Variants in FXYD6 observed in about 807,000 individuals in gnomAD.
FXYD6 encodes FXYD domain-containing ion transport regulator 6.
In FXYD6, 7 loss-of-function variants were observed where a neutral mutation model predicts 16.7. The ratio of observed to expected loss-of-function variants is 0.42; its 90% CI spans 0.24 to 0.79. FXYD6 has a LOEUF of 0.79. FXYD6 is among the 30% of genes least tolerant of loss of function. FXYD6 has a pLI of 0.28. For synonymous variants in FXYD6, 49 were observed against 43.0 expected (o/e 1.14, Z -0.54); for missense variants, 111 against 116.2 (o/e 0.95, Z 0.21).
At chr11:117,861,815 G>A (rs574365497) in intron 1 of FXYD6, among the ~76,000 whole-genome samples, 5 of 152,218 alleles carry the variant, frequency 3.3e-5, no homozygotes, top group Admixed American at 6.5e-5. Context: ...GAGGGTCCTC[G>A]TGAGGTCACA....
intron 1 of FXYD6, among the ~76,000 whole-genome samples, chr11:117,861,186 C>T (rs1348338372): frequency 1.3e-5 from 2 of 152,196 alleles, no homozygotes; most frequent in African/African-American, 4.8e-5. Flanking sequence ...TGAATGACAT[C>T]CCCTTTTGGA....
Position 117,840,357 on chromosome 11 carries a change from T to C in FXYD6, c.221A>G (p.Asp74Gly), listed in dbSNP as rs916178909. 5 of 1,613,932 alleles carry C rather than the reference T, an allele frequency of 3.1e-6. No homozygotes were observed. Among genetic ancestry groups the C allele is most frequent in the Non-Finnish European group, 4.2e-6 (5 of 1,179,998 alleles). Residue 74 changes from aspartate (D) to glycine (G), a missense_variant, in exon 6 of 8, where the codon GAT becomes GGT. Transcript: ENST00000526014. Reference protein sequence around the residue: ...SFNQKPRAPGDEEAQVENLIT... With the variant: ...SFNQKPRAPGGEEAQVENLIT... ...GAGGTTCTCCACCTGGGCTTCCTCA[T>C]CTCCTGGGGCCCTGCAGGAGAAAGA... is the stretch of plus-strand genomic sequence containing the variant.
intron 4 of FXYD6, chr11:117,841,474 C>T (rs2056341910): frequency 1.7e-6 from 1 of 588,590 alleles, no homozygotes; most frequent in South Asian, 2.0e-5. Context: ...AGGCACATCC[C>T]TCGCACACTA....
chr11:117,874,222 G>C (rs2134219840), intron 1 of FXYD6, among the ~76,000 whole-genome samples: 1 of 152,302 alleles, frequency 6.6e-6, no homozygotes, highest in African/African-American at 2.4e-5. Context: ...TTAATACACA[G>C]TAGACACTTA....
At chr11:117,856,104 T>C (rs1209438005) in intron 1 of FXYD6, among the ~76,000 whole-genome samples, 2 of 152,154 alleles carry the variant, frequency 1.3e-5, no homozygotes, top group African/African-American at 4.8e-5. Context: ...TCCTGCTTGG[T>C]TGCTGGCTGC....
Position 117,870,371 on chromosome 11 carries a change from G to T in FXYD6, c.-6+6221C>A, listed in dbSNP as rs751834582. Reference sequence around the variant, plus strand: ...GGCGTGATGGAGTCAGGCCAGGATGGGATCACCTCCCCCACACACCTGCTG... The same window carrying T: ...GGCGTGATGGAGTCAGGCCAGGATGTGATCACCTCCCCCACACACCTGCTG... On this transcript the variant is annotated intron_variant, in intron 1 of 7. Transcript: ENST00000526014. This position sits in a 1 kb window ranked among gnomAD's most constrained non-coding sequence, Gnocchi z 4.2. Among the ~76,000 whole-genome samples the T allele has an allele frequency of 2.6e-5, 4 of 152,308 alleles. No individual in the cohort carries two copies. Among genetic ancestry groups the T allele is most frequent in the Non-Finnish European group, 5.9e-5 (4 of 68,028 alleles).
chr11:117,847,964 A>G (rs2056512015), intron 1 of FXYD6, among the ~76,000 whole-genome samples: 1 of 152,208 alleles, frequency 6.6e-6, no homozygotes, highest in Non-Finnish European at 1.5e-5. Context: ...AGGTTGAACT[A>G]GTTTACAGTC....
In FXYD6 at chr11:117,839,800, C is replaced by T. The variant is rs776740443; in HGVS notation, c.*2G>A. On this transcript the variant is annotated 3_prime_UTR_variant, in exon 7 of 8. Coordinates refer to ENST00000526014, the MANE Select transcript of FXYD6 (RefSeq NM_022003.4). ...TCTCACCTTCCACCTGATGGCTGCA[C>T]TTCAGTTCTCTGCTTTCTGGGGCTC... The T allele has an allele frequency of 3.2e-5, 52 of 1,614,096 alleles. No individual in the cohort carries two copies. Among genetic ancestry groups the T allele is most frequent in the Middle Eastern group, 1.6e-4 (1 of 6,084 alleles).
chr11:117,838,713 C>T (rs2056258244), intron 7 of FXYD6: 2 of 202,258 alleles, frequency 9.9e-6, no homozygotes, highest in Non-Finnish European at 2.1e-5. Flanking sequence ...TTCGTCCATT[C>T]GCACTTAGGT....
At chr11:117,857,343 G>A (rs2056756209) in intron 1 of FXYD6, among the ~76,000 whole-genome samples, 1 of 152,072 alleles carries the variant, frequency 6.6e-6, no homozygotes, top group South Asian at 2.1e-4. Context: ...TGTTGTGTAA[G>A]GTTAGACTAA....
At chr11:117,848,757 TTA>T (rs1390181678) in intron 1 of FXYD6, among the ~76,000 whole-genome samples, 3 of 152,280 alleles carry the variant, frequency 2.0e-5, no homozygotes, top group African/African-American at 7.2e-5. Context: ...ATTTAGTGAG[TTA>T]TAATTTTTAA....
At chr11:117,876,534 G>A (rs1289122521) in intron 1 of FXYD6, 58 bp downstream of exon 1, 1 of 152,548 alleles carries the variant, frequency 6.6e-6, no homozygotes, top group African/African-American at 2.4e-5. Context: ...GGTCCCCACC[G>A]AGCCTCGCCC....
chr11:117,873,923 A>G lies in FXYD6; in HGVS notation c.-6+2669T>C, dbSNP rs1317586848. 4.0e-4 allele frequency among the ~76,000 whole-genome samples: 61 copies of G among 152,152 alleles called. 1 individual carries two copies. The highest frequency in any genetic ancestry group is 4.0e-3 in the Admixed American group (61 of 15,274). ...GACCCTCACTTTGGAAGGGCGTCCC[A>G]GTCACCAGCCGACCAAAGGCTCTCC... On this transcript the variant is annotated intron_variant, in intron 1 of 7. Transcript: ENST00000526014.
At chr11:117,849,985 C>G (rs1361752734) in intron 1 of FXYD6, among the ~76,000 whole-genome samples, 2 of 152,322 alleles carry the variant, frequency 1.3e-5, no homozygotes, top group Middle Eastern at 6.8e-3. Flanking sequence ...AAACTCCACC[C>G]TCAGGTCACA....
At chr11:117,839,588 A>C in intron 7 of FXYD6, 193 bp downstream of exon 7, 1 of 603,416 alleles carries the variant, frequency 1.7e-6, no homozygotes, top group Non-Finnish European at 2.9e-6. Flanking sequence ...TGTGTGGGAC[A>C]CTTCGGGTGT....
intron 1 of FXYD6, among the ~76,000 whole-genome samples, chr11:117,847,728 C>T (rs776246647): frequency 7.4e-4 from 112 of 152,184 alleles, no homozygotes; most frequent in Admixed American, 3.2e-3. Flanking sequence ...TATTCCATGG[C>T]ATATATGTGC....
intron 1 of FXYD6, among the ~76,000 whole-genome samples, chr11:117,867,611 A>G (rs477957): frequency 6.6e-6 from 1 of 152,142 alleles, no homozygotes; most frequent in Admixed American, 6.5e-5. Flanking sequence ...TTTAAAATCC[A>G]AACTTCTTTC....
chr11:117,839,522 A>G (rs2056285823), intron 7 of FXYD6: 1 of 475,114 alleles, frequency 2.1e-6, no homozygotes, highest in East Asian at 3.0e-5. Flanking sequence ...ATGACGCCCT[A>G]TGCACTCGGC....
chr11:117,860,475 G>A (rs377146299), intron 1 of FXYD6, among the ~76,000 whole-genome samples: 19 of 152,302 alleles, frequency 1.2e-4, no homozygotes, highest in South Asian at 1.2e-3. Flanking sequence ...ATACATATTC[G>A]TGCGCTAGAG....
Sources: gnomAD v4.1 joint callset for allele counts (sites outside exome capture counted in the v4.1 genomes callset) on GRCh38, gnomAD v4.1.1 for gene constraint, Gnocchi (gnomAD v3.1) non-coding constraint, MANE v1.5 for transcripts, NCBI Gene and HGNC (gene_info 2026-07-23, HGNC 2026-07-21) for gene names.